The following HPSE2 variants were observed in gnomAD, a reference collection of about 807,000 sequenced individuals.
HPSE2 encodes heparanase 2 (inactive).
HPSE2 carries 38 observed loss-of-function variants against 60.5 expected under a neutral mutation model. The observed-to-expected ratio is 0.63, with a 90% CI of 0.48 to 0.82. The LOEUF (loss-of-function observed/expected upper bound fraction) is 0.82. Among genes scored for constraint, HPSE2 ranks in the 40% least tolerant of loss-of-function variants. The pLI, the probability that HPSE2 is intolerant of heterozygous loss-of-function variation, is 0.00. For missense variants in HPSE2, 713 were observed against 740.4 expected, an observed-to-expected ratio of 0.96 and a Z score of 0.43; for synonymous variants, 295 against 293.2, an observed-to-expected ratio of 1.01 and a Z score of -0.06.
At chr10:99,237,089 C>A (rs941048484), upstream of HPSE2, among the ~76,000 whole-genome samples, 1 of 152,120 alleles carries the variant, frequency 6.6e-6, no homozygotes, top group African/African-American at 2.4e-5. Context: ...GAGCTTCCAC[C>A]CCACAACAGC....
chr10:98,580,441 T>A (rs992771474), intron 9 of HPSE2, among the ~76,000 whole-genome samples: 2 of 152,152 alleles, frequency 1.3e-5, no homozygotes, highest in Non-Finnish European at 2.9e-5. Context: ...ATATTTTGTA[T>A]CTTTTTGTTT....
intron 9 of HPSE2, among the ~76,000 whole-genome samples, chr10:98,531,664 CAT>C (rs1346954475): frequency 3.3e-5 from 5 of 152,226 alleles, no homozygotes; most frequent in East Asian, 1.9e-4. Context: ...ATCTTTCCCA[CAT>C]GTCAGCCTTA....
At chr10:98,473,356 G>A (rs1730009847) in intron 11 of HPSE2, among the ~76,000 whole-genome samples, 2 of 151,936 alleles carry the variant, frequency 1.3e-5, no homozygotes, top group Admixed American at 6.6e-5. Flanking sequence ...TTGGTGACAC[G>A]CACCTGTAGT....
upstream of HPSE2, among the ~76,000 whole-genome samples, chr10:99,237,400 C>G (rs933709408): frequency 2.0e-5 from 3 of 152,124 alleles, no homozygotes; most frequent in African/African-American, 7.2e-5. Context: ...AACCTGTATC[C>G]TCTTACCTCC....
At chr10:98,812,894 G>C (rs1369614419) in intron 3 of HPSE2, among the ~76,000 whole-genome samples, 1 of 152,114 alleles carries the variant, frequency 6.6e-6, no homozygotes, top group Non-Finnish European at 1.5e-5. Context: ...GTTTGGATAG[G>C]AAACCCTAAG....
chr10:98,933,440 G>T (rs1360356089), intron 3 of HPSE2, among the ~76,000 whole-genome samples: 2 of 144,328 alleles, frequency 1.4e-5, no homozygotes. Flanking sequence ...TTGTTTTTGA[G>T]TGGAGCGTTC....
chr10:99,201,651 A>ATC (rs1848578788), intron 2 of HPSE2, among the ~76,000 whole-genome samples: 1 of 152,320 alleles, frequency 6.6e-6, no homozygotes, highest in South Asian at 2.1e-4. Flanking sequence ...CATTATTATT[A>ATC]TCTGTAACTT....
chr10:99,155,686 T>A (rs1038529729), intron 2 of HPSE2, among the ~76,000 whole-genome samples: 1 of 149,682 alleles, frequency 6.7e-6, no homozygotes, highest in African/African-American at 2.5e-5. Flanking sequence ...ACATCACAAT[T>A]AAAAGAACTA....
intron 9 of HPSE2, among the ~76,000 whole-genome samples, chr10:98,496,739 T>C (rs1441574166): frequency 6.6e-6 from 1 of 152,248 alleles, no homozygotes; most frequent in African/African-American, 2.4e-5. Context: ...GACAGATTCA[T>C]GATGCTTCCT....
At chr10:98,979,037 T>C (rs1347595960) in intron 3 of HPSE2, among the ~76,000 whole-genome samples, 1 of 152,204 alleles carries the variant, frequency 6.6e-6, no homozygotes, top group Non-Finnish European at 1.5e-5. Flanking sequence ...TTTACATTTT[T>C]GTGCTTTTTG....
At chr10:98,693,391 T>C (rs1225348639) in intron 6 of HPSE2, among the ~76,000 whole-genome samples, 2 of 152,228 alleles carry the variant, frequency 1.3e-5, no homozygotes. Flanking sequence ...TTGGAGTTTA[T>C]TCCCTTTCTT....
chr10:98,585,690 G>A (rs960754782), intron 9 of HPSE2, among the ~76,000 whole-genome samples: 7 of 151,078 alleles, frequency 4.6e-5, no homozygotes, highest in African/African-American at 7.3e-5. Flanking sequence ...AGTGGCTCAC[G>A]CCTGTAATCC....
rs1554975641 is a variant in HPSE2 at position 98,719,718 on chromosome 10, A to AAG, written c.956+1938_956+1939insCT. On this transcript the variant is annotated intron_variant, in intron 5 of 11. Transcript: ENST00000370552. ...TGTTGCATTAAAAAAAAAAAAAAAA[A>AAG]AAGAAGAAGAAAAAAAACTATTCTG... Among the ~76,000 whole-genome samples the AAG allele has an allele frequency of 1.9e-3, 287 of 148,842 alleles. 1 individual carries two copies. Among genetic ancestry groups the AAG allele is most frequent in the African/African-American group, 6.6e-3 (261 of 39,494 alleles).
In HPSE2 at chr10:99,038,787, T is replaced by C. The variant is rs541325652; in HGVS notation, c.610+105451A>G. On this transcript the variant is annotated intron_variant, in intron 3 of 11. Coordinates refer to ENST00000370552, the MANE Select transcript of HPSE2 (RefSeq NM_021828.5). ...TCTATTATCTTTGCAACTTCCTGTA[T>C]ATTGCTTATCACTAAAATGCTTCCA... is the stretch of plus-strand genomic sequence containing the variant. Among the ~76,000 whole-genome samples the C allele has an allele frequency of 3.5e-4, 53 of 152,232 alleles. 3 individuals are homozygous for C. The South Asian group carries it at 8.9e-3, about 26-fold the overall frequency.
intron 3 of HPSE2, among the ~76,000 whole-genome samples, chr10:99,009,089 T>C (rs757090494): frequency 1.4e-4 from 21 of 151,878 alleles, no homozygotes; most frequent in Non-Finnish European, 2.6e-4. Flanking sequence ...CAAAAGCTTT[T>C]AGAAATGTTC....
At chr10:99,275,683 C>T in the HPSE2 span, among the ~76,000 whole-genome samples, 1 of 152,182 alleles carries the variant, frequency 6.6e-6, no homozygotes, top group Non-Finnish European at 1.5e-5. Context: ...GAAGCCCATG[C>T]TCTTTGAATC....
chr10:99,109,501 C>T (rs1340232731), intron 3 of HPSE2, among the ~76,000 whole-genome samples: 1 of 152,040 alleles, frequency 6.6e-6, no homozygotes, highest in Non-Finnish European at 1.5e-5. Context: ...TAGATTATTT[C>T]GCAGCTGAAA....
At chr10:98,860,619 T>C (rs1382756270) in intron 3 of HPSE2, among the ~76,000 whole-genome samples, 3 of 152,184 alleles carry the variant, frequency 2.0e-5, no homozygotes, top group Admixed American at 1.3e-4. Flanking sequence ...GTCACACTTC[T>C]AGTAAGTGCT....
At chr10:99,121,055 T>A (rs1844932945) in intron 3 of HPSE2, among the ~76,000 whole-genome samples, 1 of 152,082 alleles carries the variant, frequency 6.6e-6, no homozygotes, top group African/African-American at 2.4e-5. Context: ...AAAATCAACC[T>A]AAATGCCCAT....
Sources: allele counts gnomAD v4.1 joint callset (sites outside exome capture counted in the v4.1 genomes callset), GRCh38; gene constraint gnomAD v4.1.1; transcripts MANE v1.5; gene names NCBI Gene and HGNC (gene_info 2026-07-23, HGNC 2026-07-21).